HACD2: variants seen among roughly 807,000 people sequenced by gnomAD.
HACD2 encodes the protein very-long-chain (3R)-3-hydroxyacyl-CoA dehydratase 2.
HACD2 carries 15 observed loss-of-function variants against 31.0 expected under a neutral mutation model. The ratio of observed to expected loss-of-function variants is 0.48; its 90% CI spans 0.32 to 0.75. The LOEUF (loss-of-function observed/expected upper bound fraction) is 0.75, where lower values mean the gene tolerates loss of function less well. Ranked by LOEUF, HACD2 falls within the 30% of genes least tolerant of loss-of-function variation. The pLI, the probability that HACD2 is intolerant of heterozygous loss-of-function variation, is 0.03. For synonymous variants in HACD2, 115 were observed against 122.2 expected (o/e 0.94, Z 0.39); for missense variants, 283 against 313.0 (o/e 0.90, Z 0.72).
intron 3 of HACD2, among the ~76,000 whole-genome samples, chr3:123,556,614 T>C (rs774853501): frequency 1.3e-5 from 2 of 152,172 alleles, no homozygotes; most frequent in African/African-American, 2.4e-5. Context: ...GGTTAAGTTG[T>C]ACATTATTAA....
chr3:123,550,320 T>C (rs1037314823), intron 3 of HACD2, among the ~76,000 whole-genome samples: 6 of 151,476 alleles, frequency 4.0e-5, no homozygotes, highest in Non-Finnish European at 8.8e-5. Flanking sequence ...AGAATGTGAA[T>C]AGGGAATGAG....
chr3:123,515,467 C>A (rs551602236), intron 4 of HACD2, among the ~76,000 whole-genome samples: 40 of 152,284 alleles, frequency 2.6e-4, no homozygotes, highest in Middle Eastern at 3.4e-3. Flanking sequence ...GCAGTCTCAG[C>A]AAATGTGCTC....
intron 3 of HACD2, among the ~76,000 whole-genome samples, chr3:123,535,357 A>G (rs2056412539): frequency 6.6e-6 from 1 of 152,214 alleles, no homozygotes; most frequent in African/African-American, 2.4e-5. Context: ...CATGATAACA[A>G]GAGAAATCAG....
chr3:123,494,421 A>G lies in HACD2; in HGVS notation c.*467T>C, dbSNP rs1281975322. ...GAGAACAGAGTTTGCCGCTTCAAAA[A>G]TACAAAGTTTCCAGCATGCAGTCAA... On this transcript the variant is annotated 3_prime_UTR_variant, in exon 7 of 7. Coordinates refer to ENST00000383657, the MANE Select transcript of HACD2 (RefSeq NM_198402.5). 5.5e-6 allele frequency: 1 copy of G among 180,306 alleles called. No individual in the cohort carries two copies. The highest frequency in any genetic ancestry group is 1.1e-5 in the Non-Finnish European group (1 of 88,354). 11.2% of individuals were successfully genotyped at this position (180,306 alleles called of 1,614,324 possible).
intron 2 of HACD2, among the ~76,000 whole-genome samples, chr3:123,572,622 C>G (rs2056866836): frequency 6.6e-6 from 1 of 152,168 alleles, no homozygotes; most frequent in South Asian, 2.1e-4. Context: ...TGTAAAATTG[C>G]CATTTGCACA....
In HACD2 at chr3:123,568,523, T is replaced by C. The variant is rs531168020; in HGVS notation, c.274-743A>G. 2.0e-5 allele frequency among the ~76,000 whole-genome samples: 3 copies of C among 152,314 alleles called. No individual in the cohort carries two copies. In the East Asian group the frequency reaches 5.8e-4, roughly 29 times the overall value. On this transcript the variant is annotated intron_variant, in intron 2 of 6. Transcript: ENST00000383657. ...ACCATTTCTAAGTCCTGCTGGCGAT[T>C]CTGGGGTCTGTCTTCCCCATTTTTA... is the stretch of plus-strand genomic sequence containing the variant.
intron 3 of HACD2, among the ~76,000 whole-genome samples, chr3:123,542,478 TTTAAGAG>T (rs1162926176): frequency 6.6e-6 from 1 of 152,244 alleles, no homozygotes; most frequent in Non-Finnish European, 1.5e-5. Flanking sequence ...GGTAATATTA[TTTAAGAG>T]TTAAAAGAAT....
At position 123,493,753 on chromosome 3, in the gene HACD2, A is replaced by G. The variant is rs1047612290; in HGVS notation, c.*1135T>C. 1 of 152,232 alleles carries G rather than the reference A, an allele frequency of 6.6e-6. No individual in the cohort carries two copies. The highest frequency in any genetic ancestry group is 1.5e-5 in the Non-Finnish European group (1 of 68,038). 9.4% of individuals were successfully genotyped at this position (152,232 alleles called of 1,614,324 possible). A position where few individuals can be genotyped will look rare whatever the true frequency, so the allele number is the denominator to read the frequency against. On this transcript the variant is annotated 3_prime_UTR_variant, in exon 7 of 7. Transcript: ENST00000383657. ...ACCAAACTATTTCTTGGCTGCTCCAACATGCGGAGATGACACTGCTTTTAG... is the reference window on the plus strand; with the variant it reads ...ACCAAACTATTTCTTGGCTGCTCCAGCATGCGGAGATGACACTGCTTTTAG...
At chr3:123,502,748 C>G (rs1397141699) in intron 4 of HACD2, 67 bp from the exon 5 acceptor site, 4 of 1,511,058 alleles carry the variant, frequency 2.6e-6, no homozygotes, top group African/African-American at 1.4e-5. Context: ...GTGTGCAGCA[C>G]CCGGCAGAGC....
At chr3:123,520,265 T>TAGG (rs1240571395) in intron 4 of HACD2, among the ~76,000 whole-genome samples, 3 of 152,338 alleles carry the variant, frequency 2.0e-5, no homozygotes, top group Admixed American at 6.5e-5. Flanking sequence ...CAAATATACC[T>TAGG]TATAAATTTT....
intron 3 of HACD2, among the ~76,000 whole-genome samples, chr3:123,537,404 A>C (rs2056438912): frequency 6.6e-6 from 1 of 152,050 alleles, no homozygotes; most frequent in Admixed American, 6.6e-5. Context: ...ACATCTACAA[A>C]AATTTTTTTA....
intron 3 of HACD2, among the ~76,000 whole-genome samples, chr3:123,552,860 TA>T: frequency 6.6e-6 from 1 of 151,400 alleles, no homozygotes; most frequent in Admixed American, 6.6e-5. Context: ...CAGATTCAAA[TA>T]AAAATGTAAT....
rs760304000 is a variant in HACD2, at chr3:123,585,041, A to AGCCC, written c.-18_-15dup. The AGCCC allele has an allele frequency of 2.0e-3, 2,891 of 1,469,628 alleles. 1 individual carries two copies. The highest frequency in any genetic ancestry group is 4.0e-3 in the Admixed American group (163 of 40,484). 91.0% of individuals were successfully genotyped at this position (1,469,628 alleles called of 1,614,324 possible). ...CACTGCCGCCATGTCAAGTGCCCGA[A>AGCCC]GCCCGCTCTCCTAGCGCGAGCGGCT... On this transcript the variant is annotated 5_prime_UTR_variant, in exon 1 of 7. Coordinates refer to ENST00000383657, the MANE Select transcript of HACD2 (RefSeq NM_198402.5).
intron 3 of HACD2, among the ~76,000 whole-genome samples, chr3:123,548,974 T>C (rs2056589926): frequency 6.7e-6 from 1 of 150,308 alleles, no homozygotes; most frequent in South Asian, 2.1e-4. Context: ...AATTGTGTAA[T>C]TACTTAATGA....
At chr3:123,522,888 G>A (rs535609605) in intron 4 of HACD2, among the ~76,000 whole-genome samples, 49 of 152,258 alleles carry the variant, frequency 3.2e-4, no homozygotes, top group African/African-American at 1.0e-3. Context: ...ATGACAGGAC[G>A]GCACAGCTTT....
At chr3:123,534,671 A>C (rs2056403786) in intron 3 of HACD2, among the ~76,000 whole-genome samples, 1 of 152,094 alleles carries the variant, frequency 6.6e-6, no homozygotes, top group African/African-American at 2.4e-5. Flanking sequence ...GGTATTCCAG[A>C]AGAAGGCATT....
intron 6 of HACD2, among the ~76,000 whole-genome samples, chr3:123,498,224 A>G (rs886855053): frequency 3.9e-5 from 6 of 152,186 alleles, no homozygotes; most frequent in Non-Finnish European, 2.9e-5. Context: ...GAATCTTTTA[A>G]TCATTATTTG....
intron 1 of HACD2, 193 bp downstream of exon 1, chr3:123,584,680 G>A (rs1005638551): frequency 4.8e-6 from 2 of 415,404 alleles, no homozygotes; most frequent in African/African-American, 4.2e-5. Flanking sequence ...GCGCAGGAGG[G>A]AGCTCGCGGG....
chr3:123,530,066 T>C (rs2056336706), intron 3 of HACD2, among the ~76,000 whole-genome samples: 1 of 152,124 alleles, frequency 6.6e-6, no homozygotes, highest in Non-Finnish European at 1.5e-5. Context: ...ATTTTGAAAA[T>C]CATATTTTGC....
Sources: allele counts gnomAD v4.1 joint callset (sites outside exome capture counted in the v4.1 genomes callset), GRCh38; gene constraint gnomAD v4.1.1; transcripts MANE v1.5; gene names NCBI Gene and HGNC (gene_info 2026-07-23, HGNC 2026-07-21).